TFPI: variants seen among roughly 807,000 people sequenced by gnomAD.
The protein encoded by TFPI is tissue factor pathway inhibitor, also known as anti-convertin.
A neutral mutation model predicts 34.6 loss-of-function variants in TFPI; 15 were observed. The ratio of observed to expected loss-of-function variants is 0.43; its 90% CI spans 0.29 to 0.67. TFPI has a LOEUF of 0.67. Ranked by LOEUF, TFPI falls within the 30% of genes least tolerant of loss-of-function variation. The probability of loss-of-function intolerance (pLI) is 0.15; values close to 1 mark genes in which losing one functional copy is unlikely to be tolerated. For missense variants in TFPI, 301 were observed against 364.0 expected, an observed-to-expected ratio of 0.83 and a Z score of 1.41; for synonymous variants, 105 against 120.1, an observed-to-expected ratio of 0.87 and a Z score of 0.82.
At chr2:187,473,128 TATA>T (rs147900542) in intron 6 of TFPI, among the ~76,000 whole-genome samples, 179 of 152,156 alleles carry the variant, frequency 1.2e-3, no homozygotes, top group African/African-American at 4.2e-3. Context: ...ATCAAGAAAA[TATA>T]ATAATTTATA....
chr2:187,506,084 G>A (rs777312681), intron 1 of TFPI, among the ~76,000 whole-genome samples: 6 of 152,026 alleles, frequency 3.9e-5, no homozygotes, highest in Admixed American at 6.6e-5. Flanking sequence ...ATGCTGTCTG[G>A]TTCTGGGTGA....
intron 2 of TFPI, among the ~76,000 whole-genome samples, 184 bp from the exon 3 acceptor site, chr2:187,497,262 C>T (rs540525209): frequency 6.6e-6 from 1 of 152,122 alleles, no homozygotes; most frequent in Admixed American, 6.6e-5. Flanking sequence ...AAATGAAACA[C>T]AACTTCTAGA....
In TFPI at chr2:187,503,659, G is replaced by C. The variant is rs755634273; in HGVS notation, c.110C>G (p.Thr37Arg). The change falls in exon 2 of 8, where the codon ACA (threonine) becomes AGA (arginine). Residue 37 changes from threonine to arginine, a missense_variant. Transcript: ENST00000233156. ...NADSEEDEEH[T>R]IITDTELPPL... is the part of the protein sequence containing the mutation. Reference sequence around the variant, plus strand: ...TTCTAATATTTTACCTGTGATAATTGTGTGTTCTTCATCTTCCTCAGAATC... The same window carrying C: ...TTCTAATATTTTACCTGTGATAATTCTGTGTTCTTCATCTTCCTCAGAATC... 6.8e-6 allele frequency: 11 copies of C among 1,612,490 alleles called. No homozygotes were observed. The highest frequency in any genetic ancestry group is 9.3e-6 in the Non-Finnish European group (11 of 1,178,996).
At chr2:187,517,334 T>C (rs548325088) in intron 1 of TFPI, 10 of 152,308 alleles carry the variant, frequency 6.6e-5, no homozygotes, top group Admixed American at 5.2e-4. Context: ...CAGAGATTCT[T>C]GTATGTTGTG....
At chr2:187,524,414 A>G (rs1362227053) in intron 1 of TFPI, among the ~76,000 whole-genome samples, 1 of 152,000 alleles carries the variant, frequency 6.6e-6, no homozygotes, top group Non-Finnish European at 1.5e-5. Context: ...CACCATTTAT[A>G]TATTTATGTG....
intron 1 of TFPI, among the ~76,000 whole-genome samples, chr2:187,504,566 G>GAAA (rs71017396): frequency 8.1e-6 from 1 of 123,906 alleles, no homozygotes. Flanking sequence ...CGCCAAAAAG[G>GAAA]AAAAAAAAAA....
rs566186131 is a variant in TFPI at position 187,543,789 on chromosome 2, A to T, written c.-3+10411T>A. Among the ~76,000 whole-genome samples, 8 of 152,236 alleles carry T rather than the reference A, an allele frequency of 5.3e-5. No individual in the cohort carries two copies. The South Asian group carries it at 1.2e-3, about 24-fold the overall frequency. Reference sequence around the variant, plus strand: ...AGGGGATGTAGCTGCATGGTTGGGGATGGGGTGATTTTGAAAATTCTCCTT... The same window carrying T: ...AGGGGATGTAGCTGCATGGTTGGGGTTGGGGTGATTTTGAAAATTCTCCTT... On this transcript the variant is annotated intron_variant, in intron 1 of 7. Coordinates refer to ENST00000233156, the MANE Select transcript of TFPI (RefSeq NM_006287.6).
chr2:187,522,398 T>G (rs1687427421), intron 1 of TFPI, among the ~76,000 whole-genome samples: 1 of 152,034 alleles, frequency 6.6e-6, no homozygotes, highest in African/African-American at 2.4e-5. Context: ...TGCTAGGGCC[T>G]GGAGAGTGGG....
chr2:187,502,552 G>C (rs1247834217), intron 2 of TFPI, among the ~76,000 whole-genome samples: 1 of 152,078 alleles, frequency 6.6e-6, no homozygotes, highest in Non-Finnish European at 1.5e-5. Flanking sequence ...GGTACATTAG[G>C]GTTTTTACTA....
At chr2:187,484,763 A>C (rs750052530) in intron 5 of TFPI, 48 bp downstream of exon 5, 5 of 1,523,148 alleles carry the variant, frequency 3.3e-6, no homozygotes, top group Non-Finnish European at 4.4e-6. Flanking sequence ...CCTTAGTTTT[A>C]AAAGGATGCC....
intron 6 of TFPI, among the ~76,000 whole-genome samples, chr2:187,475,286 G>A (rs1431857732): frequency 6.6e-6 from 1 of 152,034 alleles, no homozygotes; most frequent in African/African-American, 2.4e-5. Flanking sequence ...TTAGTTATAA[G>A]ATCCAAAGAC....
chr2:187,533,196 C>T (rs1007774867), intron 1 of TFPI, among the ~76,000 whole-genome samples: 5 of 152,298 alleles, frequency 3.3e-5, no homozygotes, highest in African/African-American at 1.2e-4. Flanking sequence ...GATATCCCAG[C>T]ACAGTGTTCG....
intron 1 of TFPI, among the ~76,000 whole-genome samples, chr2:187,537,748 TAAACTAAAG>T (rs1688342898): frequency 6.6e-6 from 1 of 152,142 alleles, no homozygotes; most frequent in Non-Finnish European, 1.5e-5. Flanking sequence ...GGGATCTAAT[TAAACTAAAG>T]AGTTTCTGCA....
chr2:187,488,263 G>A lies in TFPI; in HGVS notation c.358+74C>T, dbSNP rs1693434302. The A allele has an allele frequency of 3.2e-5, 41 of 1,273,262 alleles. No individual in the cohort carries two copies. In the South Asian group the frequency reaches 5.4e-4, roughly 17 times the overall value. 78.9% of individuals were successfully genotyped at this position (1,273,262 alleles called of 1,614,324 possible). A position where few individuals can be genotyped will look rare whatever the true frequency, so the allele number is the denominator to read the frequency against. On this transcript the variant is annotated intron_variant, in intron 4 of 7. Transcript: ENST00000233156. ...ATCAGGGACCAGAAAAAACAAACAAGCAAACAAACAAAAAATTGAATATCT... is the reference window on the plus strand; with the variant it reads ...ATCAGGGACCAGAAAAAACAAACAAACAAACAAACAAAAAATTGAATATCT...
intron 1 of TFPI, among the ~76,000 whole-genome samples, chr2:187,509,619 A>G (rs115772531): frequency 1.3e-5 from 2 of 152,014 alleles, no homozygotes; most frequent in African/African-American, 2.4e-5. Flanking sequence ...ATGGTAGTCT[A>G]TTTCTGTGGG....
chr2:187,540,736 C>A (rs1437792228), intron 1 of TFPI, among the ~76,000 whole-genome samples: 2 of 151,294 alleles, frequency 1.3e-5, no homozygotes, highest in Admixed American at 1.3e-4. Context: ...ACTAAAAATA[C>A]GAAAACTAGC....
intron 2 of TFPI, among the ~76,000 whole-genome samples, chr2:187,498,616 A>G (rs1050892981): frequency 2.0e-5 from 3 of 152,010 alleles, no homozygotes; most frequent in Middle Eastern, 6.8e-3. Context: ...TATCTCAACT[A>G]CTAACACTGC....
chr2:187,479,823 A>C (rs1323944673), intron 6 of TFPI, among the ~76,000 whole-genome samples: 1 of 151,668 alleles, frequency 6.6e-6, no homozygotes, highest in Non-Finnish European at 1.5e-5. Flanking sequence ...ATGAAAATGG[A>C]AGAGAGAGAA....
At position 187,464,970 on chromosome 2, in the gene TFPI, C is replaced by G. The variant is rs1474056776; in HGVS notation, c.*1966G>C. 1 of 152,120 alleles carries G rather than the reference C, an allele frequency of 6.6e-6. No individual in the cohort carries two copies. The highest frequency in any genetic ancestry group is 2.4e-5 in the African/African-American group (1 of 41,422). The allele number at this position is 152,120 out of a possible 1,614,324, so 9.4% of individuals were successfully genotyped here. On this transcript the variant is annotated 3_prime_UTR_variant, in exon 8 of 8. Coordinates refer to ENST00000233156, the MANE Select transcript of TFPI (RefSeq NM_006287.6). The stretch of plus-strand genomic sequence containing the variant: ...GCCTGGAGGGGATCATATTTTTAAA[C>G]AGGAAATCAGTGTGAATTAGCTGAG...
Sources: gnomAD v4.1 joint callset for allele counts (sites outside exome capture counted in the v4.1 genomes callset) on GRCh38, gnomAD v4.1.1 for gene constraint, MANE v1.5 for transcripts, NCBI Gene and HGNC (gene_info 2026-07-23, HGNC 2026-07-21) for gene names.